The following DLGAP2 variants were observed in gnomAD, a reference collection of about 807,000 sequenced individuals.
DLGAP2 encodes disks large-associated protein 2.
DLGAP2 carries 26 observed loss-of-function variants against 100.3 expected under a neutral mutation model. The observed-to-expected ratio is 0.26, with a 90% CI of 0.19 to 0.36. The LOEUF (loss-of-function observed/expected upper bound fraction) is 0.36. Ranked by LOEUF, DLGAP2 falls within the 10% of genes least tolerant of loss-of-function variation. DLGAP2 has a pLI of 1.00. For synonymous variants in DLGAP2, 886 were observed against 630.1 expected, an observed-to-expected ratio of 1.41 and a Z score of -6.08; for missense variants, 1,858 against 1,453.2, an observed-to-expected ratio of 1.28 and a Z score of -4.53.
chr8:1,334,246 T>A (rs1247926739), intron 3 of DLGAP2, among the ~76,000 whole-genome samples: 1 of 152,214 alleles, frequency 6.6e-6, no homozygotes, highest in South Asian at 2.1e-4. Flanking sequence ...CTGAGCTGGT[T>A]AAGCTGAGAA....
intron 3 of DLGAP2, among the ~76,000 whole-genome samples, chr8:1,350,969 G>A (rs866229021): frequency 1.9e-4 from 25 of 132,228 alleles, no homozygotes; most frequent in African/African-American, 6.3e-4. Context: ...AAGGCCGTGC[G>A]GGTCCTGAGT....
chr8:748,033 G>T (rs1423908783), intron 1 of DLGAP2, among the ~76,000 whole-genome samples: 1 of 23,452 alleles, frequency 4.3e-5, no homozygotes, highest in Admixed American at 4.7e-4. Context: ...TCTGCGGTGG[G>T]ATGGGCGGGT....
At chr8:1,113,781 C>G (rs902858651) in intron 2 of DLGAP2, among the ~76,000 whole-genome samples, 1 of 152,062 alleles carries the variant, frequency 6.6e-6, no homozygotes, top group Non-Finnish European at 1.5e-5. Flanking sequence ...TGCTAGTTTT[C>G]AAGGGGAATT....
At position 1,368,170 on chromosome 8, in the gene DLGAP2, A is replaced by ATG. The variant is rs149829452; in HGVS notation, c.106+109297_106+109298dup. Among the ~76,000 whole-genome samples the ATG allele has an allele frequency of 7.8e-4, 118 of 152,166 alleles. 1 individual carries two copies. Among genetic ancestry groups the ATG allele is most frequent in the African/African-American group, 2.7e-3 (114 of 41,510 alleles). On this transcript the variant is annotated intron_variant, in intron 3 of 14. Transcript: ENST00000637795. Reference sequence around the variant, plus strand: ...GTATTTGTAGTGCACATACGTGTGCATGTGTGTGTGTATGTGCACGTGTGT... The same window carrying ATG: ...GTATTTGTAGTGCACATACGTGTGCATGTGTGTGTGTGTATGTGCACGTGTGT...
In DLGAP2 at chr8:1,384,883, T is replaced by G. The variant is rs190616787; in HGVS notation, c.107-116483T>G. On this transcript the variant is annotated intron_variant, in intron 3 of 14. Transcript: ENST00000637795. ...AACTTGGTGCACAGTTACCCCGGTC[T>G]GTGCCCGTCCCCTGAGAACTTGGTG... is the stretch of plus-strand genomic sequence containing the variant. 2.2e-3 allele frequency among the ~76,000 whole-genome samples: 68 copies of G among 31,258 alleles called. 3 individuals are homozygous for G. The highest frequency in any genetic ancestry group is 8.1e-3 in the African/African-American group (63 of 7,746). 20.5% of individuals were successfully genotyped at this position (31,258 alleles called of 152,430 possible).
intron 2 of DLGAP2, among the ~76,000 whole-genome samples, chr8:1,150,989 T>G (rs1278841403): frequency 6.6e-6 from 1 of 152,268 alleles, no homozygotes; most frequent in East Asian, 1.9e-4. Context: ...GGCACATGTA[T>G]GAAACACACA....
At chr8:1,696,573 C>G (rs1034260977) in intron 13 of DLGAP2, among the ~76,000 whole-genome samples, 1 of 152,222 alleles carries the variant, frequency 6.6e-6, no homozygotes, top group Admixed American at 6.5e-5. Flanking sequence ...AAACCAAGCA[C>G]GTCTCTGGGC....
chr8:1,044,031 T>C (rs149858618), intron 2 of DLGAP2, among the ~76,000 whole-genome samples: 202 of 152,180 alleles, frequency 1.3e-3, no homozygotes, highest in African/African-American at 4.5e-3. Context: ...GTGACACTTC[T>C]CACAGCAGTG....
intron 2 of DLGAP2, among the ~76,000 whole-genome samples, chr8:1,150,337 C>T (rs1796675846): frequency 6.6e-6 from 1 of 152,222 alleles, no homozygotes. Context: ...GAAGCCAGGG[C>T]ATGGTATCAT....
Position 1,424,658 on chromosome 8 carries a change from G to T in DLGAP2, c.107-76708G>T, listed in dbSNP as rs558465243. On this transcript the variant is annotated intron_variant, in intron 3 of 14. Transcript: ENST00000637795. ...GAAGGCCGGATAGGACAAGGATGGT[G>T]TGATCCCCTTACACACAGCACCTGG... Among the ~76,000 whole-genome samples, 22 of 152,084 alleles carry T rather than the reference G, an allele frequency of 1.4e-4. No homozygotes were observed. The South Asian group carries it at 4.4e-3, about 30-fold the overall frequency.
In DLGAP2 at chr8:1,548,780, C is replaced by G. The variant is rs754444774; in HGVS notation, c.327C>G (p.His109Gln). 2 of 1,594,362 alleles carry G rather than the reference C, an allele frequency of 1.3e-6. No individual in the cohort carries two copies. The highest frequency in any genetic ancestry group is 1.7e-5 in the Admixed American group (1 of 58,654). The stretch of plus-strand genomic sequence containing the variant: ...TGGCGCCCCCGGAGGACTGCGAGCA[C>G]CTGCACCACGGGCCCGACGCGCGGC... ...CGLAPPEDCE[H>Q]LHHGPDARPP... The change falls in exon 5 of 15, where the codon CAC becomes CAG. Residue 109 changes from histidine (H) to glutamine (Q), a missense_variant. Physicochemically the swap from His to Gln is conservative, Grantham distance 24 (BLOSUM62 0). Transcript: ENST00000637795.
At chr8:1,634,160 C>T (rs1048354561) in intron 8 of DLGAP2, among the ~76,000 whole-genome samples, 21 of 152,200 alleles carry the variant, frequency 1.4e-4, no homozygotes, top group African/African-American at 3.9e-4. Flanking sequence ...GGCTTGTTAA[C>T]GTTTCTGACT....
At chr8:1,231,843 C>A (rs1032341260) in intron 2 of DLGAP2, among the ~76,000 whole-genome samples, 8 of 152,122 alleles carry the variant, frequency 5.3e-5, no homozygotes, top group African/African-American at 1.7e-4. Context: ...TGGAAAACTA[C>A]TGGGTACTAT....
intron 1 of DLGAP2, among the ~76,000 whole-genome samples, chr8:862,380 G>A (rs1047676357): frequency 6.6e-6 from 1 of 150,636 alleles, no homozygotes; most frequent in East Asian, 2.0e-4. Flanking sequence ...TCAGCTCACT[G>A]CGGCCTCCGC....
intron 1 of DLGAP2, among the ~76,000 whole-genome samples, chr8:744,150 G>C (rs1180072573): frequency 1.3e-5 from 2 of 152,170 alleles, no homozygotes; most frequent in African/African-American, 4.8e-5. Context: ...TCCCTCTTCT[G>C]TCTCTCATCT....
chr8:1,059,151 C>G lies in DLGAP2; in HGVS notation c.73+151185C>G, dbSNP rs141973566. 9.2e-5 allele frequency among the ~76,000 whole-genome samples: 14 copies of G among 152,240 alleles called. No homozygotes were observed. In the East Asian group the frequency reaches 2.3e-3, roughly 25 times the overall value. On this transcript the variant is annotated intron_variant, in intron 2 of 14. Transcript: ENST00000637795. ...AAAGCCAGCAGTGCTGCTCTCTGCT[C>G]TGGGGCTCTGTGACAGCTCTCTTTG...
chr8:1,693,441 A>G (rs1347804692), intron 13 of DLGAP2, among the ~76,000 whole-genome samples: 2 of 152,028 alleles, frequency 1.3e-5, no homozygotes, highest in Non-Finnish European at 2.9e-5. Flanking sequence ...GAAATAGTAA[A>G]TAATAGTTAT....
intron 6 of DLGAP2, among the ~76,000 whole-genome samples, chr8:1,618,175 C>G (rs1339578416): frequency 6.6e-6 from 1 of 152,214 alleles, no homozygotes; most frequent in African/African-American, 2.4e-5. Flanking sequence ...GTTTAGGTTC[C>G]AGGTTTATTC....
intron 2 of DLGAP2, among the ~76,000 whole-genome samples, chr8:1,039,978 C>T (rs368188178): frequency 0.032 from 4,644 of 144,058 alleles, 225 homozygotes; most frequent in African/African-American, 0.12. Context: ...GTGGTCGGCT[C>T]GGTGTGCATG....
Sources: gnomAD v4.1 joint callset for allele counts (sites outside exome capture counted in the v4.1 genomes callset) on GRCh38, gnomAD v4.1.1 for gene constraint, MANE v1.5 for transcripts, NCBI Gene and HGNC (gene_info 2026-07-23, HGNC 2026-07-21) for gene names.